Variants in FANCD2OS observed in about 807,000 individuals in gnomAD.
FANCD2OS encodes the protein FANCD2 opposite strand, also known as FANCD2 opposite strand protein.
In FANCD2OS, 11 loss-of-function variants were observed where a neutral mutation model predicts 13.2. The ratio of observed to expected loss-of-function variants is 0.83; its 90% CI spans 0.52 to 1.38. The LOEUF (loss-of-function observed/expected upper bound fraction) is 1.38, where lower values mean the gene tolerates loss of function less well. Ranked by LOEUF, FANCD2OS falls within the 40% of genes most tolerant of loss-of-function variation. The pLI is 0.00. For missense variants in FANCD2OS, 217 were observed against 213.9 expected (o/e 1.01, Z -0.09); for synonymous variants, 69 against 84.5 (o/e 0.82, Z 1.01).
Position 10,108,016 on chromosome 3 carries a change from TG to T in FANCD2OS, c.-11del, listed in dbSNP as rs1348071156. On this transcript the variant is annotated splice_region_variant and 5_prime_UTR_variant, in exon 1 of 2. Transcript: ENST00000450660. ...AACCCCATCTCTTGATTTCCCCACC[TG>T]GGAAACAGGGCGTTAGCGCCAAAGT... 4 of 152,238 alleles carry T rather than the reference TG, an allele frequency of 2.6e-5. No individual in the cohort carries two copies. In the East Asian group the frequency reaches 7.7e-4, roughly 29 times the overall value. The allele number at this position is 152,238 out of a possible 1,614,324, so 9.4% of individuals were successfully genotyped here.
chr3:10,106,866 T>C (rs1271562694), intron 1 of FANCD2OS, among the ~76,000 whole-genome samples: 3 of 152,144 alleles, frequency 2.0e-5, no homozygotes, highest in Admixed American at 6.5e-5. Context: ...GATCAAGCCA[T>C]TGAACTCCAG....
chr3:10,107,125 TG>T (rs1217583992), intron 1 of FANCD2OS, among the ~76,000 whole-genome samples: 1 of 152,218 alleles, frequency 6.6e-6, no homozygotes, highest in African/African-American at 2.4e-5. Flanking sequence ...GAAAGGCTTC[TG>T]GTGCTTGATA....
intron 1 of FANCD2OS, among the ~76,000 whole-genome samples, chr3:10,105,749 TAA>T (rs142496934): frequency 2.3e-3 from 52 of 22,266 alleles, no homozygotes; most frequent in Admixed American, 3.4e-3. Context: ...AGACTCCATC[TAA>T]AAAAAAAAAA....
chr3:10,082,796 T>C (rs1245787865), intron 2 of FANCD2OS, among the ~76,000 whole-genome samples: 1 of 152,226 alleles, frequency 6.6e-6, no homozygotes, highest in Non-Finnish European at 1.5e-5. Flanking sequence ...TATAATTACT[T>C]GTTCATCAGT....
At chr3:10,105,762 AAAAAAAAAATTATATATATATATATAT>A (rs1201852645) in intron 1 of FANCD2OS, among the ~76,000 whole-genome samples, 5 of 75,070 alleles carry the variant, frequency 6.7e-5, no homozygotes, top group African/African-American at 3.8e-4. Context: ...AAAAAAAAAA[AAAAAAAAAATTATATATATATATATAT>A]ATATATATAT....
chr3:10,093,449 T>C (rs1362772781), intron 2 of FANCD2OS: 1 of 844,512 alleles, frequency 1.2e-6, no homozygotes, highest in African/African-American at 1.7e-5. Flanking sequence ...TCTATGCCAG[T>C]TTAGGGAAGG....
At chr3:10,093,232 A>C in intron 2 of FANCD2OS, 1 of 1,406,644 alleles carries the variant, frequency 7.1e-7, no homozygotes, top group South Asian at 1.2e-5. Context: ...AAGAGGCTGG[A>C]GTGCTCAAAG....
chr3:10,088,331 C>A, intron 2 of FANCD2OS: 2 of 770,252 alleles, frequency 2.6e-6, no homozygotes, highest in Non-Finnish European at 4.7e-6. Flanking sequence ...AGACCGGGAA[C>A]GTCTTAGTAA....
chr3:10,103,898 C>A, downstream of FANCD2OS: 1 of 219,456 alleles, frequency 4.6e-6, no homozygotes, highest in Non-Finnish European at 9.0e-6. Context: ...CTCCTCTACA[C>A]CCCTTTTCCC....
At chr3:10,104,848 A>G in intron 1 of FANCD2OS, 66 bp from the exon 2 acceptor site, 1 of 1,405,650 alleles carries the variant, frequency 7.1e-7, no homozygotes, top group Non-Finnish European at 9.6e-7. Flanking sequence ...TGGCCTTTCA[A>G]ATTCCCATCT....
chr3:10,107,430 C>A (rs1052784417), intron 1 of FANCD2OS, among the ~76,000 whole-genome samples: 1 of 151,922 alleles, frequency 6.6e-6, no homozygotes, highest in Non-Finnish European at 1.5e-5. Context: ...GGACTACAGG[C>A]GCCTGCCACC....
intron 2 of FANCD2OS, among the ~76,000 whole-genome samples, chr3:10,093,998 A>G (rs1694806203): frequency 6.6e-6 from 1 of 152,278 alleles, no homozygotes; most frequent in Admixed American, 6.5e-5. Context: ...TTATCCTCAG[A>G]TAGAGCTCCC....
At chr3:10,086,016 G>A in intron 2 of FANCD2OS, 1 of 825,950 alleles carries the variant, frequency 1.2e-6, no homozygotes. Context: ...GTGTCTTTCA[G>A]TAGTTGTAAA....
chr3:10,091,435 G>T (rs462262), intron 2 of FANCD2OS, among the ~76,000 whole-genome samples: 3 of 148,268 alleles, frequency 2.0e-5, no homozygotes, highest in African/African-American at 7.4e-5. Context: ...TTGCACCACT[G>T]CACTCCAACC....
chr3:10,088,682 ACAT>A, intron 2 of FANCD2OS: 1 of 1,096,212 alleles, frequency 9.1e-7, no homozygotes, highest in South Asian at 1.3e-5. Context: ...ACAATTTGGA[ACAT>A]GTGGATCTTA....
downstream of FANCD2OS, chr3:10,098,990 A>G (rs1218327346): frequency 3.7e-6 from 6 of 1,613,728 alleles, no homozygotes; most frequent in Non-Finnish European, 5.1e-6. Context: ...CCCAGAAGAA[A>G]CAACGACACA....
chr3:10,089,721 G>T (rs1468670059), intron 2 of FANCD2OS, among the ~76,000 whole-genome samples: 2 of 152,164 alleles, frequency 1.3e-5, no homozygotes, highest in Non-Finnish European at 2.9e-5. Context: ...GCCTGCCTCG[G>T]CCTCTCAAAG....
rs555539811 is a variant in FANCD2OS at position 10,095,209 on chromosome 3, C to A, written c.*43+8989G>T. The A allele has an allele frequency of 4.2e-5, 68 of 1,613,760 alleles. No homozygotes were observed. In the East Asian group the frequency reaches 1.1e-3, roughly 26 times the overall value. ...AACTTATTGGTTATAGGAAGATGTT[C>A]TGAGCTTACTGGAAACCTTCCAGTT... On this transcript the variant is annotated intron_variant, in intron 2 of 2. Transcript: ENST00000524279.
downstream of FANCD2OS, chr3:10,099,505 A>G (rs558301802): frequency 2.8e-5 from 6 of 218,168 alleles, no homozygotes; most frequent in East Asian, 6.2e-4. Flanking sequence ...CACACCTGTA[A>G]TCCCAGCACT....
Sources: gnomAD v4.1 joint callset for allele counts (sites outside exome capture counted in the v4.1 genomes callset) on GRCh38, gnomAD v4.1.1 for gene constraint, MANE v1.5 for transcripts, NCBI Gene and HGNC (gene_info 2026-07-23, HGNC 2026-07-21) for gene names.